SMOX: variants seen among roughly 807,000 people sequenced by gnomAD.
SMOX encodes flavin containing amine oxidase.
Under a neutral mutation model 51.0 loss-of-function variants are expected in SMOX, and 22 were observed. That is an observed-to-expected ratio of 0.43 (90% confidence interval 0.31 to 0.62). The LOEUF is 0.62. Among genes scored for constraint, SMOX ranks in the 20% least tolerant of loss-of-function variants. The pLI, the probability that SMOX is intolerant of heterozygous loss-of-function variation, is 0.10. For missense variants in SMOX, 566 were observed against 777.7 expected (o/e 0.73, Z 3.24); for synonymous variants, 282 against 307.8 (o/e 0.92, Z 0.88).
At chr20:4,160,451 C>T (rs1054621641) in intron 1 of SMOX, among the ~76,000 whole-genome samples, 14 of 152,160 alleles carry the variant, frequency 9.2e-5, no homozygotes, top group African/African-American at 3.4e-4. Context: ...CCCTGCCCTG[C>T]CCCTCACTCC....
Position 4,170,204 on chromosome 20 carries a change from T to G in SMOX, c.-26-4826T>G, listed in dbSNP as rs780007302. ...CAGTTGGGGGTGGAGGTGACATGAT[T>G]CAGGCTGTGGAGTTGCCATGGCTTG... On this transcript the variant is annotated intron_variant, in intron 1 of 6. Coordinates refer to ENST00000305958, the MANE Select transcript of SMOX (RefSeq NM_175839.3). This position sits in a 1 kb window ranked among gnomAD's most constrained non-coding sequence, Gnocchi z 4.6. 6.6e-6 allele frequency among the ~76,000 whole-genome samples: 1 copy of G among 152,080 alleles called. No individual in the cohort carries two copies. The highest frequency in any genetic ancestry group is 2.4e-5 in the African/African-American group (1 of 41,482).
At chr20:4,155,641 C>T (rs1293038889) in intron 1 of SMOX, among the ~76,000 whole-genome samples, 1 of 152,142 alleles carries the variant, frequency 6.6e-6, no homozygotes, top group Non-Finnish European at 1.5e-5. Flanking sequence ...TTAAAACTCA[C>T]ATGCTAATGA....
intron 1 of SMOX, among the ~76,000 whole-genome samples, chr20:4,156,901 C>A (rs528022827): frequency 5.3e-5 from 8 of 152,166 alleles, no homozygotes; most frequent in Non-Finnish European, 1.0e-4. Context: ...CACCACCACG[C>A]CCTGCTAATT....
At chr20:4,176,420 A>G (rs1440377458) in intron 2 of SMOX, among the ~76,000 whole-genome samples, 1 of 152,232 alleles carries the variant, frequency 6.6e-6, no homozygotes, top group Non-Finnish European at 1.5e-5. Flanking sequence ...GGAATGGCAA[A>G]GTCACGTTGC....
At chr20:4,162,400 T>C (rs941658287) in intron 1 of SMOX, among the ~76,000 whole-genome samples, 1 of 152,222 alleles carries the variant, frequency 6.6e-6, no homozygotes, top group East Asian at 1.9e-4. Context: ...AATCACACGT[T>C]GAGAGATGAT....
rs1171716833 is a variant in SMOX, at chr20:4,166,425, G to C, written c.-26-8605G>C. 1.3e-5 allele frequency among the ~76,000 whole-genome samples: 2 copies of C among 152,082 alleles called. No individual in the cohort carries two copies. The highest frequency in any genetic ancestry group is 4.8e-5 in the African/African-American group (2 of 41,416). On this transcript the variant is annotated intron_variant, in intron 1 of 6. Coordinates refer to ENST00000305958, the MANE Select transcript of SMOX (RefSeq NM_175839.3). This position sits in a 1 kb window ranked among gnomAD's most constrained non-coding sequence, Gnocchi z 4.2. Reference sequence around the variant, plus strand: ...TGCAGTGGTGTGATCATGGTTCACTGTAGCCTCGACTTCCTAGACTGAAGC... The same window carrying C: ...TGCAGTGGTGTGATCATGGTTCACTCTAGCCTCGACTTCCTAGACTGAAGC...
At chr20:4,161,331 C>T (rs779695437) in intron 1 of SMOX, among the ~76,000 whole-genome samples, 8 of 152,122 alleles carry the variant, frequency 5.3e-5, no homozygotes, top group African/African-American at 1.2e-4. Flanking sequence ...TGATGGCAGG[C>T]GGCTTGGAGA....
chr20:4,186,667 C>T (rs914404778), intron 6 of SMOX: 11 of 749,280 alleles, frequency 1.5e-5, no homozygotes, highest in African/African-American at 3.4e-5. Context: ...GGGCTTTCGG[C>T]GCCTTGTGCA....
At chr20:4,161,213 G>A (rs1187903947) in intron 1 of SMOX, among the ~76,000 whole-genome samples, 1 of 152,134 alleles carries the variant, frequency 6.6e-6, no homozygotes, top group African/African-American at 2.4e-5. Context: ...CTGCAGAATG[G>A]GTGGATCTCT....
Position 4,183,430 on chromosome 20 carries a change from G to A in SMOX, c.1370-64G>A. 4 of 1,612,624 alleles carry A rather than the reference G, an allele frequency of 2.5e-6. No homozygotes were observed. Among genetic ancestry groups the A allele is most frequent in the African/African-American group, 1.3e-5 (1 of 74,982 alleles). ...TGGGGTGGGGGGTTGTCCCTTTGGG[G>A]TCATCTTCCATATGCAGCCATTTCT... On this transcript the variant is annotated intron_variant, in intron 5 of 6. Transcript: ENST00000305958. This position sits in a 1 kb window ranked among gnomAD's most constrained non-coding sequence, Gnocchi z 4.3.
chr20:4,169,277 C>T (rs1986718769), intron 1 of SMOX, among the ~76,000 whole-genome samples: 3 of 152,182 alleles, frequency 2.0e-5, no homozygotes. Context: ...GCCGCGATTA[C>T]AGGCATGAAC....
rs554804800 is a variant in SMOX at position 4,183,284 on chromosome 20, G to A, written c.1370-210G>A. On this transcript the variant is annotated intron_variant, in intron 5 of 6. Coordinates refer to ENST00000305958, the MANE Select transcript of SMOX (RefSeq NM_175839.3). This position sits in a 1 kb window ranked among gnomAD's most constrained non-coding sequence, Gnocchi z 4.3. ...ATAGATAGGAAAAGTAAGGTGGAGCGTTTTGCCGGGGGTCACAGGAGGCGC... is the reference window on the plus strand; with the variant it reads ...ATAGATAGGAAAAGTAAGGTGGAGCATTTTGCCGGGGGTCACAGGAGGCGC... The A allele has an allele frequency of 7.8e-6, 5 of 638,344 alleles. No homozygotes were observed. Among genetic ancestry groups the A allele is most frequent in the South Asian group, 1.9e-5 (1 of 52,276 alleles). The allele number at this position is 638,344 out of a possible 1,614,324, so 39.5% of individuals were successfully genotyped here.
In SMOX at chr20:4,187,335, T is replaced by C. The variant is rs1168907551; in HGVS notation, c.1596T>C (p.Ala532=). 6.2e-7 allele frequency: 1 copy of C among 1,614,212 alleles called. No individual in the cohort carries two copies. Among genetic ancestry groups the C allele is most frequent in the Non-Finnish European group, 8.5e-7 (1 of 1,180,028 alleles). Residue 532 remains alanine (A), a synonymous_variant, in exon 7 of 7, where the codon GCT becomes GCC. Transcript: ENST00000305958. The surrounding 1 kb of genome is among the most constrained non-coding windows in gnomAD (Gnocchi z 4.8). ...AGTACTATTCCACCACCCACGGTGC[T>C]CTGCTGTCCGGCCAGCGTGAGGCTG... ...HRKYYSTTHG[A]LLSGQREAAR...
chr20:4,152,572 G>T (rs1429790492), intron 1 of SMOX, among the ~76,000 whole-genome samples: 1 of 152,078 alleles, frequency 6.6e-6, no homozygotes. Flanking sequence ...AGGGGCAGTG[G>T]TCCAGATCTG....
chr20:4,180,682 C>G (rs1445846049), intron 3 of SMOX, among the ~76,000 whole-genome samples: 1 of 152,162 alleles, frequency 6.6e-6, no homozygotes, highest in East Asian at 1.9e-4. Flanking sequence ...CTTGCTGCCC[C>G]CTCCAGCAAA....
intron 1 of SMOX, among the ~76,000 whole-genome samples, chr20:4,158,025 C>T (rs987319960): frequency 4.0e-5 from 6 of 151,412 alleles, no homozygotes; most frequent in Non-Finnish European, 8.8e-5. Flanking sequence ...CTCAGCCTCC[C>T]GAGTAGCTGG....
At chr20:4,158,025 C>G (rs987319960) in intron 1 of SMOX, among the ~76,000 whole-genome samples, 2 of 151,416 alleles carry the variant, frequency 1.3e-5, no homozygotes, top group South Asian at 2.1e-4. Context: ...CTCAGCCTCC[C>G]GAGTAGCTGG....
chr20:4,168,508 C>A (rs1986670482), intron 1 of SMOX, among the ~76,000 whole-genome samples: 1 of 151,890 alleles, frequency 6.6e-6, no homozygotes, highest in Non-Finnish European at 1.5e-5. Context: ...TTGGGAATAG[C>A]CTGTGTTCGG....
chr20:4,186,663 T>A (rs1201425494), intron 6 of SMOX: 1 of 747,132 alleles, frequency 1.3e-6, no homozygotes, highest in African/African-American at 1.7e-5. Flanking sequence ...TTCTGGGCTT[T>A]CGGCGCCTTG....
Sources: gnomAD v4.1 joint callset for allele counts (sites outside exome capture counted in the v4.1 genomes callset) on GRCh38, gnomAD v4.1.1 for gene constraint, Gnocchi (gnomAD v3.1) non-coding constraint, MANE v1.5 for transcripts, NCBI Gene and HGNC (gene_info 2026-07-23, HGNC 2026-07-21) for gene names.